LDB2: variants seen among roughly 807,000 people sequenced by gnomAD.
LDB2 encodes LIM domain-binding protein 2.
LDB2 carries 12 observed loss-of-function variants against 44.3 expected under a neutral mutation model. The observed-to-expected ratio is 0.27, with a 90% confidence interval of 0.17 to 0.44. LDB2 has a LOEUF of 0.44. Ranked by LOEUF, LDB2 falls within the 20% of genes least tolerant of loss-of-function variation. The pLI, the probability that LDB2 is intolerant of heterozygous loss-of-function variation, is 1.00. For missense variants in LDB2, 344 were observed against 473.5 expected, an observed-to-expected ratio of 0.73 and a Z score of 2.54; for synonymous variants, 164 against 174.8, an observed-to-expected ratio of 0.94 and a Z score of 0.49.
intron 1 of LDB2, among the ~76,000 whole-genome samples, chr4:16,773,715 G>A (rs1771216219): frequency 1.3e-5 from 2 of 152,014 alleles, no homozygotes; most frequent in Admixed American, 1.3e-4. Context: ...TTCTACAGTT[G>A]CAATATTTCT....
At chr4:16,549,104 G>C (rs1171323098) in intron 5 of LDB2, among the ~76,000 whole-genome samples, 1 of 152,290 alleles carries the variant, frequency 6.6e-6, no homozygotes, top group South Asian at 2.1e-4. Context: ...CTCCTGTTCA[G>C]AGCTTTTTCT....
intron 2 of LDB2, among the ~76,000 whole-genome samples, chr4:16,650,280 C>T (rs1341046194): frequency 6.6e-6 from 1 of 152,178 alleles, no homozygotes; most frequent in Non-Finnish European, 1.5e-5. Context: ...TGAGTTAATA[C>T]ATGCCAAATA....
intron 2 of LDB2, among the ~76,000 whole-genome samples, chr4:16,756,425 C>T (rs539701298): frequency 2.6e-5 from 4 of 152,142 alleles, no homozygotes; most frequent in African/African-American, 9.6e-5. Context: ...TGCACCCCAG[C>T]CTGGGTGACA....
intron 2 of LDB2, among the ~76,000 whole-genome samples, chr4:16,627,791 G>A (rs1185025772): frequency 6.6e-6 from 1 of 152,172 alleles, no homozygotes; most frequent in Non-Finnish European, 1.5e-5. Flanking sequence ...GAAGCGATGG[G>A]ATATCATTTC....
chr4:16,729,486 G>C (rs1485415929), intron 2 of LDB2, among the ~76,000 whole-genome samples: 1 of 152,212 alleles, frequency 6.6e-6, no homozygotes, highest in Non-Finnish European at 1.5e-5. Context: ...GGCTCAGCCA[G>C]AGAGCAGGAG....
rs574265416 is a variant in LDB2 at position 16,748,966 on chromosome 4, T to C, written c.235+10192A>G. ...TTAGCTCCTCCAAAGCAAGAGATTT[T>C]GTTCATTCATCTTCTTATCCCCAGG... On this transcript the variant is annotated intron_variant, in intron 2 of 7. Transcript: ENST00000304523. Among the ~76,000 whole-genome samples the C allele has an allele frequency of 7.9e-5, 12 of 152,302 alleles. No individual in the cohort carries two copies. In the East Asian group the frequency reaches 2.3e-3, roughly 29 times the overall value.
At chr4:16,842,521 T>C (rs965251924) in intron 1 of LDB2, among the ~76,000 whole-genome samples, 2 of 152,230 alleles carry the variant, frequency 1.3e-5, no homozygotes, top group Non-Finnish European at 2.9e-5. Flanking sequence ...CTTTAAATTA[T>C]TTAATATACA....
At chr4:16,515,872 A>T (rs973989624) in intron 5 of LDB2, among the ~76,000 whole-genome samples, 151 of 151,404 alleles carry the variant, frequency 1.0e-3, no homozygotes, top group Middle Eastern at 6.8e-3. Flanking sequence ...TTATTTATTT[A>T]TTTATTTTTT....
intron 1 of LDB2, among the ~76,000 whole-genome samples, chr4:16,897,907 T>TATATATATATATATATATAC: frequency 1.4e-4 from 2 of 13,802 alleles, no homozygotes; most frequent in South Asian, 1.6e-3. Flanking sequence ...TATATATATA[T>TATATATATATATATATATAC]ATATATATAT....
intron 1 of LDB2, among the ~76,000 whole-genome samples, chr4:16,849,301 G>A (rs888179704): frequency 3.3e-5 from 5 of 152,094 alleles, no homozygotes; most frequent in Admixed American, 6.5e-5. Context: ...AGCCCCAAAC[G>A]TACTGTCTTT....
intron 2 of LDB2, among the ~76,000 whole-genome samples, chr4:16,667,001 A>T (rs1743446510): frequency 6.6e-6 from 1 of 152,206 alleles, no homozygotes; most frequent in South Asian, 2.1e-4. Context: ...CCTCCTGAAC[A>T]CTGTGTCTAT....
chr4:16,765,133 G>A (rs905234888), intron 1 of LDB2, among the ~76,000 whole-genome samples: 1 of 152,180 alleles, frequency 6.6e-6, no homozygotes. Flanking sequence ...GGTGTATTGG[G>A]TGGCACGCAC....
At chr4:16,623,901 C>G (rs1331240633) in intron 2 of LDB2, among the ~76,000 whole-genome samples, 1 of 152,160 alleles carries the variant, frequency 6.6e-6, no homozygotes, top group South Asian at 2.1e-4. Context: ...AATAATTTCA[C>G]ACTAAATCAG....
chr4:16,763,820 T>G (rs955427504), intron 1 of LDB2, among the ~76,000 whole-genome samples: 3 of 152,156 alleles, frequency 2.0e-5, no homozygotes, highest in Non-Finnish European at 2.9e-5. Flanking sequence ...TTCTGCCTCT[T>G]AATAGCTGGA....
intron 5 of LDB2, among the ~76,000 whole-genome samples, chr4:16,564,753 A>T (rs1230645903): frequency 6.6e-6 from 1 of 152,252 alleles, no homozygotes; most frequent in East Asian, 1.9e-4. Context: ...TCCACAAAAA[A>T]GCCCCAGGCC....
In LDB2 at chr4:16,502,551, T is replaced by TATC; in HGVS notation, c.*89_*91dup. On this transcript the variant is annotated 3_prime_UTR_variant, in exon 8 of 8. Transcript: ENST00000304523. ...ATAGATATTTGCATGGAAAAGTTTT[T>TATC]ATCTCTTCTGTTTCCTCTCCTGTAA... 6.6e-7 allele frequency: 1 copy of TATC among 1,508,248 alleles called. No individual in the cohort carries two copies. Among genetic ancestry groups the TATC allele is most frequent in the Non-Finnish European group, 9.1e-7 (1 of 1,103,818 alleles). 93.4% of individuals were successfully genotyped at this position (1,508,248 alleles called of 1,614,324 possible).
At chr4:16,664,718 A>G (rs935584778) in intron 2 of LDB2, among the ~76,000 whole-genome samples, 2 of 152,242 alleles carry the variant, frequency 1.3e-5, no homozygotes, top group Admixed American at 1.3e-4. Flanking sequence ...ATAATGGATC[A>G]ATCTGAATTA....
At chr4:16,811,814 T>C (rs926659006) in intron 1 of LDB2, among the ~76,000 whole-genome samples, 1 of 152,212 alleles carries the variant, frequency 6.6e-6, no homozygotes, top group Admixed American at 6.5e-5. Context: ...TATGCACATG[T>C]ATATTTGATA....
intron 7 of LDB2, among the ~76,000 whole-genome samples, chr4:16,505,560 G>A (rs1004501605): frequency 6.6e-6 from 1 of 152,154 alleles, no homozygotes; most frequent in Non-Finnish European, 1.5e-5. Flanking sequence ...AATAAATAAA[G>A]CATGATGCAC....
Sources: gnomAD v4.1 joint callset for allele counts (sites outside exome capture counted in the v4.1 genomes callset) on GRCh38, gnomAD v4.1.1 for gene constraint, MANE v1.5 for transcripts, NCBI Gene and HGNC (gene_info 2026-07-23, HGNC 2026-07-21) for gene names.